Variants in SEPTIN7 observed in about 807,000 individuals in gnomAD.
SEPTIN7 encodes the protein septin-7.
In SEPTIN7, 10 loss-of-function variants were observed where a neutral mutation model predicts 63.3. The observed-to-expected ratio is 0.16, with a 90% confidence interval of 0.10 to 0.27. The LOEUF (loss-of-function observed/expected upper bound fraction) is 0.27. SEPTIN7 is among the 10% of genes least tolerant of loss of function. The pLI is 1.00. For synonymous variants in SEPTIN7, 131 were observed against 165.3 expected (o/e 0.79, Z 1.59); for missense variants, 310 against 521.0 (o/e 0.59, Z 3.94).
Position 35,907,034 on chromosome 7 carries a change from A to AGT in SEPTIN7, c.*2741_*2742insGT, listed in dbSNP as rs1332840762. ...TGAACAATGAAAATATGTGTCAACA[A>AGT]ATGTACTGCTACACTAATGTGAACA... On this transcript the variant is annotated 3_prime_UTR_variant, in exon 14 of 14. Coordinates refer to ENST00000350320, the MANE Select transcript of SEPTIN7 (RefSeq NM_001788.6). The AGT allele has an allele frequency of 1.3e-5, 2 of 152,252 alleles. No homozygotes were observed. The highest frequency in any genetic ancestry group is 2.9e-5 in the Non-Finnish European group (2 of 68,044). 9.4% of individuals were successfully genotyped at this position (152,252 alleles called of 1,614,324 possible). A position where few individuals can be genotyped will look rare whatever the true frequency, so the allele number is the denominator to read the frequency against.
At chr7:35,842,064 A>G (rs544664902) in intron 3 of SEPTIN7, among the ~76,000 whole-genome samples, 59 of 152,290 alleles carry the variant, frequency 3.9e-4, no homozygotes, top group African/African-American at 1.4e-3. Flanking sequence ...TATTTAGTCC[A>G]TCTTTCTGTT....
chr7:35,846,296 C>G (rs781162679), intron 3 of SEPTIN7, among the ~76,000 whole-genome samples: 19 of 152,092 alleles, frequency 1.2e-4, no homozygotes, highest in Non-Finnish European at 2.5e-4. Flanking sequence ...ATTGTTGGAC[C>G]TGGAAGGTCT....
Position 35,890,649 on chromosome 7 carries a change from TGCTG to T in SEPTIN7, c.873-18_873-15del, listed in dbSNP as rs1787578930. On this transcript the variant is annotated splice_polypyrimidine_tract_variant and intron_variant, in intron 10 of 13. Transcript: ENST00000350320. The stretch of plus-strand genomic sequence containing the variant: ...CTAGCTATTAATAGAAGCAAACTCT[TGCTG>T]TTTGTTTATGACAGAACACACATGC... The T allele has an allele frequency of 1.4e-6, 2 of 1,451,870 alleles. No individual in the cohort carries two copies. The highest frequency in any genetic ancestry group is 1.8e-6 in the Non-Finnish European group (2 of 1,100,796). The allele number at this position is 1,451,870 out of a possible 1,614,324, so 89.9% of individuals were successfully genotyped here. A position where few individuals can be genotyped will look rare whatever the true frequency, so the allele number is the denominator to read the frequency against.
intron 3 of SEPTIN7, among the ~76,000 whole-genome samples, chr7:35,844,534 C>T (rs1279044703): frequency 1.3e-5 from 2 of 152,220 alleles, no homozygotes; most frequent in Non-Finnish European, 2.9e-5. Context: ...ATTTCTGTCA[C>T]AGACAAGCTG....
intron 1 of SEPTIN7, chr7:35,815,228 CT>C (rs1430458769): frequency 8.3e-5 from 33 of 399,222 alleles, no homozygotes; most frequent in South Asian, 1.1e-4. Flanking sequence ...GTCCAGCAAC[CT>C]TTTTTTGAGA....
intron 4 of SEPTIN7, among the ~76,000 whole-genome samples, chr7:35,868,161 C>T (rs529174274): frequency 1.4e-3 from 210 of 152,248 alleles, no homozygotes; most frequent in Non-Finnish European, 2.5e-3. Context: ...TGAGCCACCG[C>T]ACCCAGCTGG....
At chr7:35,825,310 C>T (rs1248940044) in intron 1 of SEPTIN7, among the ~76,000 whole-genome samples, 1 of 152,146 alleles carries the variant, frequency 6.6e-6, no homozygotes, top group South Asian at 2.1e-4. Flanking sequence ...CTTAACTTTC[C>T]TAAGCTATAG....
rs1788617609 is a variant in SEPTIN7 at position 35,906,589 on chromosome 7, C to T, written c.*2296C>T. The stretch of plus-strand genomic sequence containing the variant: ...GCTGAACAAGTAAGCACTAATAATA[C>T]CAGTGAACCACTTGGGCACCTTGTG... On this transcript the variant is annotated 3_prime_UTR_variant, in exon 14 of 14. Coordinates refer to ENST00000350320, the MANE Select transcript of SEPTIN7 (RefSeq NM_001788.6). The T allele has an allele frequency of 1.3e-5, 2 of 152,202 alleles. No individual in the cohort carries two copies. Among genetic ancestry groups the T allele is most frequent in the African/African-American group, 4.8e-5 (2 of 41,464 alleles). The allele number at this position is 152,202 out of a possible 1,614,324, so 9.4% of individuals were successfully genotyped here. A position where few individuals can be genotyped will look rare whatever the true frequency, so the allele number is the denominator to read the frequency against.
At chr7:35,914,676 C>A in the SEPTIN7 span, among the ~76,000 whole-genome samples, 4 of 151,376 alleles carry the variant, frequency 2.6e-5, no homozygotes, top group South Asian at 8.3e-4. Context: ...TATATATACA[C>A]ACACACACAT....
intron 1 of SEPTIN7, among the ~76,000 whole-genome samples, chr7:35,806,862 G>GT (rs1311775662): frequency 6.6e-6 from 1 of 152,182 alleles, no homozygotes; most frequent in Non-Finnish European, 1.5e-5. Context: ...ACGTCATGGT[G>GT]TTTTTCAAAG....
intron 1 of SEPTIN7, chr7:35,812,136 A>AG: frequency 5.2e-6 from 1 of 193,564 alleles, no homozygotes; most frequent in Non-Finnish European, 1.1e-5. Context: ...AACAAAAAAA[A>AG]AAAAAACAAA....
chr7:35,842,971 T>A (rs1201047684), intron 3 of SEPTIN7, among the ~76,000 whole-genome samples: 1 of 152,170 alleles, frequency 6.6e-6, no homozygotes, highest in Non-Finnish European at 1.5e-5. Context: ...TTGAAAAATA[T>A]AAGTGCACAC....
At chr7:35,859,379 ACTT>A (rs999431078) in intron 3 of SEPTIN7, among the ~76,000 whole-genome samples, 22 of 152,086 alleles carry the variant, frequency 1.4e-4, no homozygotes, top group Non-Finnish European at 2.6e-4. Flanking sequence ...GTTTGATTTC[ACTT>A]CTTTAAAATT....
chr7:35,890,148 ACCGAAATAC>A (rs1257707947), intron 10 of SEPTIN7, among the ~76,000 whole-genome samples: 1 of 152,214 alleles, frequency 6.6e-6, no homozygotes, highest in Non-Finnish European at 1.5e-5. Context: ...AATTTGTTTA[ACCGAAATAC>A]CACTTTCACT....
chr7:35,864,550 G>GA (rs199832400), intron 4 of SEPTIN7, among the ~76,000 whole-genome samples: 25 of 150,928 alleles, frequency 1.7e-4, no homozygotes, highest in African/African-American at 3.7e-4. Flanking sequence ...ACTGAGCATG[G>GA]AAAAAAAAAT....
At chr7:35,898,569 A>G (rs1788096757) in intron 12 of SEPTIN7, 186 bp downstream of exon 12, 2 of 491,154 alleles carry the variant, frequency 4.1e-6, no homozygotes, top group African/African-American at 3.8e-5. Context: ...TACATACTTC[A>G]ATATGCAAGT....
rs149809206 is a variant in SEPTIN7 at position 35,829,394 on chromosome 7, G to A, written c.62-2098G>A. Among the ~76,000 whole-genome samples the A allele has an allele frequency of 2.4e-4, 37 of 151,902 alleles. No homozygotes were observed. The East Asian group carries it at 6.0e-3, about 25-fold the overall frequency. ...TGACCTCAGGCAATCCACCTGTCTC[G>A]GCTTTCTTTTTACTCTTGGAAATAC... On this transcript the variant is annotated intron_variant, in intron 1 of 13. Coordinates refer to ENST00000350320, the MANE Select transcript of SEPTIN7 (RefSeq NM_001788.6).
In SEPTIN7 at chr7:35,864,210, G is replaced by A. The variant is rs1295566879; in HGVS notation, c.276+552G>A. ...CATATCATAGTTGAATGGCAATAGC[G>A]ATTCTGTAAGACTCCCAAGGTATAT... On this transcript the variant is annotated intron_variant, in intron 4 of 13. Coordinates refer to ENST00000350320, the MANE Select transcript of SEPTIN7 (RefSeq NM_001788.6). Among the ~76,000 whole-genome samples, 9 of 152,088 alleles carry A rather than the reference G, an allele frequency of 5.9e-5. No individual in the cohort carries two copies. In the South Asian group the frequency reaches 1.2e-3, roughly 21 times the overall value.
At chr7:35,896,220 A>C (rs1274566999) in intron 11 of SEPTIN7, among the ~76,000 whole-genome samples, 3 of 152,244 alleles carry the variant, frequency 2.0e-5, no homozygotes, top group South Asian at 2.1e-4. Context: ...TCCCAAGGAT[A>C]AGATAAACAT....
Sources: gnomAD v4.1 joint callset for allele counts (sites outside exome capture counted in the v4.1 genomes callset) on GRCh38, gnomAD v4.1.1 for gene constraint, MANE v1.5 for transcripts, NCBI Gene and HGNC (gene_info 2026-07-23, HGNC 2026-07-21) for gene names.